Variants in TENM1 observed in about 807,000 individuals in gnomAD.
TENM1 encodes the protein teneurin transmembrane protein 1.
A neutral mutation model predicts 174.8 loss-of-function variants in TENM1; 35 were observed. That is an observed-to-expected ratio of 0.20 (90% confidence interval 0.15 to 0.27). The LOEUF (loss-of-function observed/expected upper bound fraction) is 0.27. TENM1 is among the 10% of genes least tolerant of loss of function. TENM1 has a pLI of 1.00. For missense variants in TENM1, 1,633 were observed against 2,130.1 expected, an observed-to-expected ratio of 0.77 and a Z score of 4.59; for synonymous variants, 781 against 798.7, an observed-to-expected ratio of 0.98 and a Z score of 0.37.
chrX:124,498,223 T>G (rs1291285577), intron 19 of TENM1, among the ~76,000 whole-genome samples: 1 of 111,181 alleles, frequency 9.0e-6, no homozygotes, highest in Admixed American at 9.6e-5. Context: ...AATCATTAAC[T>G]CCCATTGAGT....
intron 11 of TENM1, among the ~76,000 whole-genome samples, chrX:124,610,383 T>C (rs774249359): frequency 3.6e-5 from 4 of 112,232 alleles, no homozygotes; most frequent in African/African-American, 1.3e-4. Context: ...AGGAGGAACA[T>C]AAGTTTTAAA....
intron 21 of TENM1, among the ~76,000 whole-genome samples, chrX:124,483,766 T>C (rs1262304117): frequency 8.9e-6 from 1 of 112,163 alleles, no homozygotes; most frequent in Non-Finnish European, 1.9e-5. Context: ...TTTATGAAAC[T>C]CACAGTCTAG....
chrX:124,435,078 G>A (rs746522806), intron 23 of TENM1, among the ~76,000 whole-genome samples: 2 of 111,406 alleles, frequency 1.8e-5, no homozygotes, highest in South Asian at 7.7e-4. Context: ...CAAATTTGAG[G>A]CTGCGTGATG....
chrX:124,572,186 TAC>T (rs1162517723), intron 11 of TENM1, among the ~76,000 whole-genome samples: 1 of 110,749 alleles, frequency 9.0e-6, no homozygotes, highest in Non-Finnish European at 1.9e-5. Flanking sequence ...TGCACACACA[TAC>T]ACACACACAT....
chrX:124,432,640 G>A (rs2060793519), intron 23 of TENM1, among the ~76,000 whole-genome samples: 1 of 111,789 alleles, frequency 8.9e-6, no homozygotes, highest in Non-Finnish European at 1.9e-5. Context: ...TGGCCAGACT[G>A]GTCTTGAACT....
intron 14 of TENM1, 142 bp downstream of exon 17, chrX:124,561,529 G>T: frequency 1.5e-6 from 1 of 665,237 alleles, no homozygotes; most frequent in East Asian, 3.3e-5. Flanking sequence ...ATGTGATTGA[G>T]ACTAAAAGGT....
intron 24 of TENM1, among the ~76,000 whole-genome samples, chrX:124,421,080 T>C (rs1203147097): frequency 8.9e-6 from 1 of 112,166 alleles, no homozygotes; most frequent in African/African-American, 3.2e-5. Context: ...ATCCTGCTGT[T>C]CAGAATCTAT....
chrX:124,963,405 CTGAGCATATA>C, intron 1 of TENM1, 122 bp downstream of exon 4: 1 of 540,290 alleles, frequency 1.9e-6, no homozygotes. Flanking sequence ...AATAGATTCT[CTGAGCATATA>C]TAAGCAGTGC....
At chrX:124,641,743 T>C in intron 11 of TENM1, 48 bp downstream of exon 14, 3 of 1,120,104 alleles carry the variant, frequency 2.7e-6, no homozygotes, top group Non-Finnish European at 2.5e-6. Context: ...GAAGGAACAG[T>C]TAGAATTTAA....
At chrX:124,398,368 G>A (rs2060362442) in intron 27 of TENM1, among the ~76,000 whole-genome samples, 1 of 108,595 alleles carries the variant, frequency 9.2e-6, no homozygotes, top group African/African-American at 3.4e-5. Context: ...GTATCTCTTG[G>A]TAGACAATCA....
the TENM1 span, among the ~76,000 whole-genome samples, chrX:125,082,585 C>T: frequency 9.0e-6 from 1 of 111,047 alleles, no homozygotes. Context: ...ATCCTCCTCC[C>T]TCCAGATTTT....
chrX:125,084,398 T>C, the TENM1 span, among the ~76,000 whole-genome samples: 1 of 111,163 alleles, frequency 9.0e-6, no homozygotes, highest in Non-Finnish European at 1.9e-5. Context: ...CTTTATGTCT[T>C]ATATACTTAG....
intron 11 of TENM1, among the ~76,000 whole-genome samples, chrX:124,591,786 G>A (rs1476835808): frequency 8.9e-6 from 1 of 112,080 alleles, no homozygotes; most frequent in Non-Finnish European, 1.9e-5. Flanking sequence ...CAAGATTAAA[G>A]AAATATTTTT....
chrX:124,819,491 C>CT (rs939243486), intron 3 of TENM1, among the ~76,000 whole-genome samples: 1 of 110,976 alleles, frequency 9.0e-6, no homozygotes, highest in African/African-American at 3.3e-5. Flanking sequence ...ATCATACGGT[C>CT]TCAGTGGTGT....
chrX:124,567,195 T>C, intron 11 of TENM1, among the ~76,000 whole-genome samples: 1 of 111,882 alleles, frequency 8.9e-6, no homozygotes, highest in Non-Finnish European at 1.9e-5. Context: ...CAGCAGAATA[T>C]ATGATTCTGA....
intron 3 of TENM1, among the ~76,000 whole-genome samples, chrX:124,738,590 T>C (rs2053731037): frequency 8.9e-6 from 1 of 111,919 alleles, no homozygotes; most frequent in Non-Finnish European, 1.9e-5. Flanking sequence ...GCTATCCTTG[T>C]ATATTTTAAA....
chrX:124,938,454 A>C (rs1396102413), intron 1 of TENM1, among the ~76,000 whole-genome samples: 2 of 112,012 alleles, frequency 1.8e-5, no homozygotes, highest in Admixed American at 9.5e-5. Flanking sequence ...TGATTTTTAC[A>C]ATAAGAAAGC....
At chrX:124,782,540 T>C (rs893415996) in intron 3 of TENM1, among the ~76,000 whole-genome samples, 10 of 111,205 alleles carry the variant, frequency 9.0e-5, no homozygotes, top group African/African-American at 2.3e-4. Flanking sequence ...ACATATACAC[T>C]GTTCTTTCAT....
At chrX:125,137,838 T>C in the TENM1 span, among the ~76,000 whole-genome samples, 1 of 111,340 alleles carries the variant, frequency 9.0e-6, no homozygotes, top group Non-Finnish European at 1.9e-5. Context: ...TTCCATATAT[T>C]ACTTGATGCC....
Sources: gnomAD v4.1 joint callset for allele counts (sites outside exome capture counted in the v4.1 genomes callset) on GRCh38, gnomAD v4.1.1 for gene constraint, MANE v1.5 for transcripts, NCBI Gene and HGNC (gene_info 2026-07-23, HGNC 2026-07-21) for gene names.